Variants in RELN observed in about 807,000 individuals in gnomAD.
RELN encodes reelin.
RELN carries 108 observed loss-of-function variants against 427.6 expected under a neutral mutation model. The ratio of observed to expected loss-of-function variants is 0.25; its 90% CI spans 0.22 to 0.30. The LOEUF is 0.30. Among genes scored for constraint, RELN ranks in the 10% least tolerant of loss-of-function variants. RELN has a pLI of 1.00. For missense variants in RELN, 3,715 were observed against 4,302.8 expected, an observed-to-expected ratio of 0.86 and a Z score of 3.82; for synonymous variants, 1,524 against 1,513.4, an observed-to-expected ratio of 1.01 and a Z score of -0.16.
At position 103,471,848 on chromosome 7, in the gene RELN, G is replaced by A. The variant is rs1827871346; in HGVS notation, c.*964C>T. ...CTTTTATAGCTTGGTTCACCCTAGAGTGCAACCTTTCAGTTACACAAATAG... is the reference window on the plus strand; with the variant it reads ...CTTTTATAGCTTGGTTCACCCTAGAATGCAACCTTTCAGTTACACAAATAG... On this transcript the variant is annotated 3_prime_UTR_variant, in exon 65 of 65. Transcript: ENST00000428762. The A allele has an allele frequency of 6.6e-6, 1 of 152,538 alleles. No homozygotes were observed. The highest frequency in any genetic ancestry group is 6.6e-5 in the Admixed American group (1 of 15,264). The allele number at this position is 152,538 out of a possible 1,614,324, so 9.4% of individuals were successfully genotyped here.
chr7:103,539,098 G>C lies in RELN; in HGVS notation c.7160C>G (p.Ser2387Ter). 1 of 1,614,146 alleles carries C rather than the reference G, an allele frequency of 6.2e-7. No individual in the cohort carries two copies. Among genetic ancestry groups the C allele is most frequent in the Non-Finnish European group, 8.5e-7 (1 of 1,180,032 alleles). ...CTCACCATAACAAGAGTCTGTGACT[G>C]AGCAGGAGGCAGCGAAGTCTATCTG... is the stretch of plus-strand genomic sequence containing the variant. ...FLQIDFAASC[S>*]VTDSCYAIEL... is the part of the protein sequence containing the mutation. Residue 2387 changes from serine (S) to a stop codon, truncating the protein, a stop_gained, in exon 45 of 65, where the codon TCA becomes TGA. Transcript: ENST00000428762. LOFTEE classifies it high-confidence loss of function.
intron 31 of RELN, among the ~76,000 whole-genome samples, chr7:103,567,717 C>A (rs1173717250): frequency 2.0e-5 from 3 of 151,468 alleles, no homozygotes; most frequent in Non-Finnish European, 4.4e-5. Flanking sequence ...ACTAGGGATA[C>A]TGAACTATTT....
At position 103,776,557 on chromosome 7, in the gene RELN, C is replaced by T; in HGVS notation, c.544G>A (p.Ala182Thr). Residue 182 changes from alanine (A) to threonine (T), a missense_variant and splice_region_variant, in exon 4 of 65, where the codon GCT becomes ACT. Around this residue, in one of 4 missense-constraint regions of RELN, gnomAD observed 2,208 missense variants for 2,361.7 expected, o/e 0.93. Transcript: ENST00000428762. ...ALAQQLCEQG[A>T]PTDVTVHPHL... ...CAAACAAATCAAATGTGACGCTTAC[C>T]TCCTTGTTCACACAACTGCTGGGCT... is the stretch of plus-strand genomic sequence containing the variant. 6.2e-7 allele frequency: 1 copy of T among 1,614,050 alleles called. No individual in the cohort carries two copies. The highest frequency in any genetic ancestry group is 8.5e-7 in the Non-Finnish European group (1 of 1,179,926).
At chr7:103,566,849 C>A in intron 31 of RELN, 90 bp from the exon 32 acceptor site, 1 of 1,240,752 alleles carries the variant, frequency 8.1e-7, no homozygotes. Flanking sequence ...GCAGCAACCT[C>A]AAATTGTGTC....
At chr7:103,772,942 T>C (rs1328395377) in intron 4 of RELN, among the ~76,000 whole-genome samples, 1 of 152,174 alleles carries the variant, frequency 6.6e-6, no homozygotes. Context: ...ATTTCCATTT[T>C]AGAAAGCTCA....
At chr7:103,705,234 A>G (rs1834175292) in intron 8 of RELN, among the ~76,000 whole-genome samples, 1 of 152,132 alleles carries the variant, frequency 6.6e-6, no homozygotes, top group Admixed American at 6.6e-5. Context: ...TTCATTCATA[A>G]CTCCTAAATG....
chr7:103,490,798 A>C lies in RELN; in HGVS notation c.9475T>G (p.Cys3159Gly). ...ATGCTGTTAGAAGAGGAAGGAAGGC[A>C]CTGGGTCTGTACGAGCTGCCAGGAA... ...SDSWQLVQTQ[C>G]LPSSSNSIGC... The change falls in exon 59 of 65, where the codon TGC becomes GGC. Residue 3159 changes from cysteine (C) to glycine (G), a missense_variant. Cys to Gly is a radical substitution (Grantham distance 159). Around this residue, in one of 4 missense-constraint regions of RELN, gnomAD observed 1,310 missense variants for 1,643.0 expected, o/e 0.80. Transcript: ENST00000428762. 1 of 1,614,242 alleles carries C rather than the reference A, an allele frequency of 6.2e-7. No individual in the cohort carries two copies. The highest frequency in any genetic ancestry group is 8.5e-7 in the Non-Finnish European group (1 of 1,180,046).
chr7:103,608,717 T>C lies in RELN; in HGVS notation c.3008+1978A>G, dbSNP rs189205856. Among the ~76,000 whole-genome samples, 9 of 152,318 alleles carry C rather than the reference T, an allele frequency of 5.9e-5. No homozygotes were observed. The East Asian group carries it at 1.7e-3, about 29-fold the overall frequency. On this transcript the variant is annotated intron_variant, in intron 22 of 64. Transcript: ENST00000428762. Reference sequence around the variant, plus strand: ...TTTCCTTTCAGTGTGTGTTTAACACTGAAGATAATTAACCTTTTCTGACTA... The same window carrying C: ...TTTCCTTTCAGTGTGTGTTTAACACCGAAGATAATTAACCTTTTCTGACTA...
In RELN at chr7:103,516,491, T is replaced by C. The variant is rs979825933; in HGVS notation, c.7863-1050A>G. 1.2e-3 allele frequency among the ~76,000 whole-genome samples: 178 copies of C among 152,232 alleles called. 1 individual carries two copies. The highest frequency in any genetic ancestry group is 3.9e-3 in the African/African-American group (164 of 41,538). On this transcript the variant is annotated intron_variant, in intron 49 of 64. Coordinates refer to ENST00000428762, the MANE Select transcript of RELN (RefSeq NM_005045.4). ...TTAGTAGAGATAGGGTTTCACCATG[T>C]TGGCCAGGTTGGTTTCGAACTCCTG... is the stretch of plus-strand genomic sequence containing the variant.
chr7:103,670,127 TC>T (rs1309961257), intron 11 of RELN, among the ~76,000 whole-genome samples: 29 of 152,178 alleles, frequency 1.9e-4, no homozygotes, highest in Non-Finnish European at 4.0e-4. Context: ...CTGATGGTCT[TC>T]TCTATCAGGT....
chr7:103,473,018 T>G (rs773448349), intron 64 of RELN, 110 bp from the exon 65 acceptor site: 2 of 976,230 alleles, frequency 2.0e-6, no homozygotes, highest in South Asian at 2.6e-5. Flanking sequence ...TGATATTTGT[T>G]TGAAAATTTT....
intron 12 of RELN, among the ~76,000 whole-genome samples, chr7:103,658,838 C>G (rs1833077065): frequency 6.6e-6 from 1 of 151,902 alleles, no homozygotes; most frequent in African/African-American, 2.4e-5. Context: ...ATTCCTTACA[C>G]TGTTGATCAT....
At chr7:103,674,788 C>T (rs967945152) in intron 11 of RELN, among the ~76,000 whole-genome samples, 1 of 152,170 alleles carries the variant, frequency 6.6e-6, no homozygotes, top group Admixed American at 6.5e-5. Context: ...ATAAAAACCA[C>T]ATGATTATCT....
chr7:103,532,279 C>A (rs981990242), intron 46 of RELN, among the ~76,000 whole-genome samples: 2 of 152,060 alleles, frequency 1.3e-5, no homozygotes, highest in Admixed American at 6.5e-5. Flanking sequence ...ACAACACACA[C>A]TGGGGCTTGT....
intron 1 of RELN, among the ~76,000 whole-genome samples, chr7:103,965,036 C>G (rs1796634628): frequency 6.6e-6 from 1 of 152,180 alleles, no homozygotes; most frequent in Admixed American, 6.5e-5. Flanking sequence ...ATGTTGAAAA[C>G]TGCAAAGCAC....
intron 4 of RELN, among the ~76,000 whole-genome samples, chr7:103,753,883 T>C (rs1791067128): frequency 2.0e-5 from 3 of 152,234 alleles, no homozygotes; most frequent in Admixed American, 6.5e-5. Flanking sequence ...AATACTATGC[T>C]GACACAAGAA....
At position 103,573,949 on chromosome 7, in the gene RELN, A is replaced by T. The variant is rs79549494; in HGVS notation, c.4511+143T>A. 3,255 of 749,868 alleles carry T rather than the reference A, an allele frequency of 4.3e-3. 128 individuals carry two copies. The East Asian group carries it at 0.08, about 18-fold the overall frequency. The allele number at this position is 749,868 out of a possible 1,614,324, so 46.5% of individuals were successfully genotyped here. ...CCTATTTTATTCCAAAGCTAAAGTTATCTTCATTTTTACATATCATAATCT... is the reference window on the plus strand; with the variant it reads ...CCTATTTTATTCCAAAGCTAAAGTTTTCTTCATTTTTACATATCATAATCT... On this transcript the variant is annotated intron_variant, in intron 30 of 64. Coordinates refer to ENST00000428762, the MANE Select transcript of RELN (RefSeq NM_005045.4). The surrounding 1 kb of genome is among the most constrained non-coding windows in gnomAD (Gnocchi z 4.4).
rs1828826942 is a variant in RELN, at chr7:103,495,906, G to A, written c.9194-8C>T. On this transcript the variant is annotated splice_region_variant and splice_polypyrimidine_tract_variant and intron_variant, in intron 56 of 64. Transcript: ENST00000428762. Reference sequence around the variant, plus strand: ...CTTCATGGGAAGTGCCTTCTGTTAAGGAAAATTGGAAGCAATATGGCATAT... The same window carrying A: ...CTTCATGGGAAGTGCCTTCTGTTAAAGAAAATTGGAAGCAATATGGCATAT... 1 of 1,613,418 alleles carries A rather than the reference G, an allele frequency of 6.2e-7. No homozygotes were observed. The highest frequency in any genetic ancestry group is 1.7e-5 in the Admixed American group (1 of 59,980).
chr7:103,856,569 C>CAAAA (rs34695080), intron 2 of RELN, among the ~76,000 whole-genome samples: 52 of 79,584 alleles, frequency 6.5e-4, no homozygotes, highest in East Asian at 7.8e-4. Context: ...AACTCCACCT[C>CAAAA]AAAAAAAAAA....
Sources: gnomAD v4.1 joint callset for allele counts (sites outside exome capture counted in the v4.1 genomes callset) on GRCh38, gnomAD v4.1.1 for gene constraint, gnomAD v4.1.1 regional missense constraint, Gnocchi (gnomAD v3.1) non-coding constraint, MANE v1.5 for transcripts, NCBI Gene and HGNC (gene_info 2026-07-23, HGNC 2026-07-21) for gene names.